The following PRKD1 variants were observed in gnomAD, a reference collection of about 807,000 sequenced individuals.
PRKD1 encodes protein kinase D1.
A neutral mutation model predicts 95.9 loss-of-function variants in PRKD1; 63 were observed. The ratio of observed to expected loss-of-function variants is 0.66; its 90% CI spans 0.54 to 0.81. The LOEUF is 0.81. PRKD1 is among the 30% of genes least tolerant of loss of function. The pLI, the probability that PRKD1 is intolerant of heterozygous loss-of-function variation, is 0.00. For missense variants in PRKD1, 1,048 were observed against 1,165.3 expected, an observed-to-expected ratio of 0.90 and a Z score of 1.47; for synonymous variants, 425 against 423.1, an observed-to-expected ratio of 1.00 and a Z score of -0.05.
intron 13 of PRKD1, among the ~76,000 whole-genome samples, chr14:29,609,645 A>G (rs73253368): frequency 0.14 from 21,845 of 150,818 alleles, 1,661 homozygotes; most frequent in Non-Finnish European, 0.16. Flanking sequence ...GGCTCAAGGA[A>G]TTCTTTCACT....
chr14:29,847,714 A>T (rs1307832093), intron 1 of PRKD1, among the ~76,000 whole-genome samples: 1 of 152,130 alleles, frequency 6.6e-6, no homozygotes, highest in Non-Finnish European at 1.5e-5. Context: ...TCATGCTTCC[A>T]TTGCCTTTCA....
At chr14:29,650,768 A>T (rs1185554872) in intron 4 of PRKD1, among the ~76,000 whole-genome samples, 3 of 152,210 alleles carry the variant, frequency 2.0e-5, no homozygotes, top group Non-Finnish European at 4.4e-5. Context: ...ACATCTTGGG[A>T]AAAACATGTC....
At chr14:29,727,851 T>C (rs1886237032) in intron 1 of PRKD1, among the ~76,000 whole-genome samples, 1 of 151,546 alleles carries the variant, frequency 6.6e-6, no homozygotes, top group Non-Finnish European at 1.5e-5. Context: ...TGAGTTCATG[T>C]CCTTTGTAGG....
intron 2 of PRKD1, among the ~76,000 whole-genome samples, chr14:29,706,187 A>C: frequency 6.6e-6 from 1 of 152,066 alleles, no homozygotes; most frequent in Admixed American, 6.6e-5. Context: ...GCATTTTCCT[A>C]ATGACGAATG....
chr14:29,779,089 C>A (rs1327664645), intron 1 of PRKD1, among the ~76,000 whole-genome samples: 2 of 152,094 alleles, frequency 1.3e-5, no homozygotes, highest in African/African-American at 2.4e-5. Context: ...ATTCAACAGC[C>A]CTTCATGCTA....
intron 1 of PRKD1, among the ~76,000 whole-genome samples, chr14:29,890,066 T>C (rs1893884399): frequency 6.6e-6 from 1 of 152,216 alleles, no homozygotes. Flanking sequence ...CACATATGCA[T>C]TTCTGAAATC....
At chr14:29,792,486 T>A (rs1889593109) in intron 1 of PRKD1, among the ~76,000 whole-genome samples, 1 of 152,140 alleles carries the variant, frequency 6.6e-6, no homozygotes, top group Non-Finnish European at 1.5e-5. Context: ...TTACAAATAT[T>A]TATAGAGAAT....
chr14:29,683,393 T>C (rs1017031035), intron 2 of PRKD1, among the ~76,000 whole-genome samples: 3 of 152,194 alleles, frequency 2.0e-5, no homozygotes, highest in African/African-American at 7.2e-5. Flanking sequence ...TGATGGGTTC[T>C]GTTCTAGATA....
chr14:29,735,246 T>A (rs1886657565), intron 1 of PRKD1, among the ~76,000 whole-genome samples: 1 of 152,160 alleles, frequency 6.6e-6, no homozygotes, highest in Non-Finnish European at 1.5e-5. Context: ...ATTTTTAGGA[T>A]AAGCAATAAA....
chr14:29,761,395 T>C (rs575606928), intron 1 of PRKD1, among the ~76,000 whole-genome samples: 2 of 152,288 alleles, frequency 1.3e-5, no homozygotes, highest in East Asian at 1.9e-4. Context: ...AAAATGTGAA[T>C]AAGAGCACAT....
intron 1 of PRKD1, among the ~76,000 whole-genome samples, chr14:29,794,569 G>A (rs779315403): frequency 3.3e-5 from 5 of 151,916 alleles, no homozygotes; most frequent in Non-Finnish European, 7.4e-5. Flanking sequence ...TTTACAAAGC[G>A]TACTGAGTTT....
At chr14:29,629,211 A>C (rs973811889) in intron 10 of PRKD1, 118 bp from the exon 11 acceptor site, 16 of 710,342 alleles carry the variant, frequency 2.3e-5, no homozygotes, top group Middle Eastern at 2.6e-4. Context: ...AAATCATAGC[A>C]ATTAGGTTTT....
Position 29,826,694 on chromosome 14 carries a change from TATATAC to T in PRKD1, c.264+100549_264+100554del, listed in dbSNP as rs1462533259. On this transcript the variant is annotated intron_variant, in intron 1 of 17. Coordinates refer to ENST00000331968, the MANE Select transcript of PRKD1 (RefSeq NM_002742.3). ...ATGTGTATATATATATACACACATA[TATATAC>T]ATATATACACATATATATATACATA... Among the ~76,000 whole-genome samples the T allele has an allele frequency of 7.1e-3, 297 of 42,080 alleles. 9 individuals carry two copies. The highest frequency in any genetic ancestry group is 9.8e-3 in the Non-Finnish European group (197 of 20,132). 27.6% of individuals were successfully genotyped at this position (42,080 alleles called of 152,430 possible).
At chr14:29,593,562 T>G (rs1447636462) in intron 16 of PRKD1, among the ~76,000 whole-genome samples, 1 of 152,174 alleles carries the variant, frequency 6.6e-6, no homozygotes, top group Non-Finnish European at 1.5e-5. Context: ...TATGGAGAGA[T>G]GATCCCTTTT....
At chr14:29,681,795 C>A in intron 2 of PRKD1, among the ~76,000 whole-genome samples, 1 of 152,196 alleles carries the variant, frequency 6.6e-6, no homozygotes, top group East Asian at 1.9e-4. Context: ...AAACCAAGCT[C>A]ACTCTCATGG....
At chr14:29,615,008 A>G (rs1878759722) in intron 13 of PRKD1, among the ~76,000 whole-genome samples, 1 of 151,720 alleles carries the variant, frequency 6.6e-6, no homozygotes, top group South Asian at 2.1e-4. Flanking sequence ...CACTATACCC[A>G]GCCAATATAC....
At chr14:29,660,652 G>A (rs889682704) in intron 4 of PRKD1, among the ~76,000 whole-genome samples, 27 of 152,010 alleles carry the variant, frequency 1.8e-4, no homozygotes, top group Non-Finnish European at 3.4e-4. Context: ...TTTTGCCTAA[G>A]ACTAACCCTT....
chr14:29,875,747 T>C (rs1436250649), intron 1 of PRKD1, among the ~76,000 whole-genome samples: 1 of 152,220 alleles, frequency 6.6e-6, no homozygotes, highest in East Asian at 1.9e-4. Context: ...TGTTGGTTTG[T>C]TCTGGTTTTT....
chr14:29,695,258 A>T (rs1034693180), intron 2 of PRKD1, among the ~76,000 whole-genome samples: 2 of 150,884 alleles, frequency 1.3e-5, no homozygotes, highest in African/African-American at 4.9e-5. Flanking sequence ...AAAAAGGACT[A>T]CCAATTGATA....
Sources: allele counts gnomAD v4.1 joint callset (sites outside exome capture counted in the v4.1 genomes callset), GRCh38; gene constraint gnomAD v4.1.1; transcripts MANE v1.5; gene names NCBI Gene and HGNC (gene_info 2026-07-23, HGNC 2026-07-21).